WDFY4: variants seen among roughly 807,000 people sequenced by gnomAD.
WDFY4 encodes the protein WD repeat- and FYVE domain-containing protein 4.
Under a neutral mutation model 351.9 loss-of-function variants are expected in WDFY4, and 169 were observed. That is an observed-to-expected ratio of 0.48 (90% CI 0.42 to 0.55). WDFY4 has a LOEUF of 0.55. Ranked by LOEUF, WDFY4 falls within the 20% of genes least tolerant of loss-of-function variation. The probability of loss-of-function intolerance (pLI) is 0.00; values close to 1 mark genes in which losing one functional copy is unlikely to be tolerated. For missense variants in WDFY4, 3,803 were observed against 3,935.6 expected (o/e 0.97, Z 0.90); for synonymous variants, 1,622 against 1,574.6 (o/e 1.03, Z -0.71).
In WDFY4 at chr10:48,900,279, A is replaced by G. The variant is rs1285034039; in HGVS notation, c.7496A>G (p.Asn2499Ser). 1.3e-6 allele frequency: 2 copies of G among 1,551,634 alleles called. No homozygotes were observed. Among genetic ancestry groups the G allele is most frequent in the Middle Eastern group, 1.7e-4 (1 of 6,014 alleles). ...NGYSKFLVFY[N>S]NDRSKAFKSF... ...TATTCCAAGTTTCTTGTCTTCTACA[A>G]CAATGATCGGAGTAAGGCCTTTAAA... Residue 2499 changes from asparagine to serine, a missense_variant, in exon 46 of 62, where the codon AAC (asparagine) becomes AGC (serine). Transcript: ENST00000325239.
intron 40 of WDFY4, among the ~76,000 whole-genome samples, chr10:48,870,881 G>A (rs1448829889): frequency 6.6e-6 from 1 of 151,882 alleles, no homozygotes; most frequent in Non-Finnish European, 1.5e-5. Flanking sequence ...CTGTGATGAA[G>A]ACCCAGGGAG....
At chr10:48,718,917 A>C (rs540212791) in intron 2 of WDFY4, among the ~76,000 whole-genome samples, 1 of 152,360 alleles carries the variant, frequency 6.6e-6, no homozygotes, top group East Asian at 1.9e-4. Context: ...CTAAATAATA[A>C]GGGGAAAAGT....
chr10:48,894,845 A>G (rs550034599), intron 44 of WDFY4, among the ~76,000 whole-genome samples: 19 of 152,330 alleles, frequency 1.2e-4, no homozygotes, highest in African/African-American at 4.1e-4. Context: ...AAAGGTAGGA[A>G]GGAGAATTGT....
intron 44 of WDFY4, among the ~76,000 whole-genome samples, chr10:48,895,732 A>C (rs73294661): frequency 0.044 from 6,740 of 152,268 alleles, 500 homozygotes; most frequent in African/African-American, 0.16. Context: ...TATTTGGACA[A>C]ATTTATTATC....
chr10:48,977,359 A>C (rs1448730127), intron 59 of WDFY4, among the ~76,000 whole-genome samples: 1 of 151,894 alleles, frequency 6.6e-6, no homozygotes, highest in Non-Finnish European at 1.5e-5. Context: ...CCACCTACCC[A>C]TTTATCTCTC....
intron 44 of WDFY4, 52 bp from the exon 45 acceptor site, chr10:48,897,402 G>T: frequency 1.3e-6 from 2 of 1,535,372 alleles, no homozygotes; most frequent in Non-Finnish European, 1.8e-6. Flanking sequence ...GCCTGCACGT[G>T]TCCTCACTCT....
Position 48,736,002 on chromosome 10 carries a change from A to C in WDFY4, c.1810A>C (p.Ser604Arg). The change falls in exon 11 of 62, where the codon AGC becomes CGC. Residue 604 changes from serine (S) to arginine (R), a missense_variant. By Grantham distance (110) the Ser-to-Arg change is moderately radical. Around this residue, in one of 3 missense-constraint regions of WDFY4, gnomAD observed 261 missense variants for 330.2 expected, o/e 0.79. Coordinates refer to ENST00000325239, the MANE Select transcript of WDFY4 (RefSeq NM_001394531.1). ...AGCCATCAACGCCGAGGAGTACATG[A>C]GCATCATTGTGGGTGCTCTATGCTC... Reference protein sequence around the residue: ...LSAINAEEYMSIIVGALCSST... With the variant: ...LSAINAEEYMRIIVGALCSST... 1 of 1,551,900 alleles carries C rather than the reference A, an allele frequency of 6.4e-7. No individual in the cohort carries two copies. The highest frequency in any genetic ancestry group is 8.7e-7 in the Non-Finnish European group (1 of 1,147,060).
chr10:48,900,977 G>A (rs541209337), intron 46 of WDFY4, among the ~76,000 whole-genome samples: 1 of 152,220 alleles, frequency 6.6e-6, no homozygotes, highest in African/African-American at 2.4e-5. Context: ...GTGGTTATGT[G>A]CTGCTCCACA....
intron 47 of WDFY4, among the ~76,000 whole-genome samples, chr10:48,927,157 C>T (rs1169393157): frequency 4.6e-5 from 7 of 152,238 alleles, no homozygotes; most frequent in South Asian, 2.1e-4. Context: ...TCTAACCTCT[C>T]GTTAAGTACT....
intron 39 of WDFY4, among the ~76,000 whole-genome samples, chr10:48,849,417 C>T (rs561191372): frequency 1.3e-5 from 2 of 152,140 alleles, no homozygotes; most frequent in Admixed American, 1.3e-4. Context: ...TGTTAAGTAC[C>T]AGATGAAGTG....
At chr10:48,941,451 G>A (rs930511080) in intron 47 of WDFY4, among the ~76,000 whole-genome samples, 3 of 152,148 alleles carry the variant, frequency 2.0e-5, no homozygotes, top group East Asian at 1.9e-4. Context: ...ACAAGGGGTC[G>A]GGGCAGGGAT....
In WDFY4 at chr10:48,982,589, G is replaced by T; in HGVS notation, c.*14G>T. 1.3e-6 allele frequency: 2 copies of T among 1,548,720 alleles called. No individual in the cohort carries two copies. Among genetic ancestry groups the T allele is most frequent in the Non-Finnish European group, 1.7e-6 (2 of 1,145,060 alleles). On this transcript the variant is annotated 3_prime_UTR_variant, in exon 62 of 62. Coordinates refer to ENST00000325239, the MANE Select transcript of WDFY4 (RefSeq NM_001394531.1). Reference sequence around the variant, plus strand: ...GCAGATGGGTAGGAAGAGAGAGGCAGCAGAGGCTCTGGCACAACAGTGCCA... The same window carrying T: ...GCAGATGGGTAGGAAGAGAGAGGCATCAGAGGCTCTGGCACAACAGTGCCA...
chr10:48,854,670 G>A (rs953621182), intron 39 of WDFY4, among the ~76,000 whole-genome samples: 7 of 152,114 alleles, frequency 4.6e-5, no homozygotes, highest in Non-Finnish European at 1.0e-4. Context: ...GGATTTCTGC[G>A]CTTTCTGCTT....
Position 48,760,352 on chromosome 10 carries a change from A to T in WDFY4, c.2465A>T (p.Asp822Val). Residue 822 changes from aspartate (D) to valine (V), a missense_variant, in exon 13 of 62, where the codon GAT (aspartate) becomes GTT (valine). Asp to Val is a radical substitution (Grantham distance 152, BLOSUM62 -3). Around this residue, in one of 3 missense-constraint regions of WDFY4, gnomAD observed 3,054 missense variants for 3,148.6 expected, o/e 0.97. Coordinates refer to ENST00000325239, the MANE Select transcript of WDFY4 (RefSeq NM_001394531.1). ...KQWPDLEERM[D>V]EGDAAIMHPG... is the part of the protein sequence containing the mutation. ...GGCTCTCCCTCTCTCTGCAGGATGG[A>T]TGAGGGAGATGCTGCAATCATGCAT... 1 of 1,551,490 alleles carries T rather than the reference A, an allele frequency of 6.4e-7. No individual in the cohort carries two copies. Among genetic ancestry groups the T allele is most frequent in the Non-Finnish European group, 8.7e-7 (1 of 1,146,894 alleles).
rs59039598 is a variant in WDFY4 at position 48,800,670 on chromosome 10, GTTTCTTTCTTTCTTTCTTTC to G, written c.4411-2583_4411-2564del. 5.8e-4 allele frequency among the ~76,000 whole-genome samples: 67 copies of G among 115,296 alleles called. 1 individual carries two copies. The highest frequency in any genetic ancestry group is 1.6e-3 in the Admixed American group (17 of 10,584). 75.6% of individuals were successfully genotyped at this position (115,296 alleles called of 152,430 possible). ...GTGGGCTTCTAAGTCTTAGGTTTTG[GTTTCTTTCTTTCTTTCTTTC>G]TTTCTTTCTTTCTTTCTTTCTTTCT... On this transcript the variant is annotated intron_variant, in intron 24 of 61. Coordinates refer to ENST00000325239, the MANE Select transcript of WDFY4 (RefSeq NM_001394531.1).
At chr10:48,687,439 A>AT (rs1229748771) in intron 1 of WDFY4, among the ~76,000 whole-genome samples, 2 of 152,102 alleles carry the variant, frequency 1.3e-5, no homozygotes, top group Non-Finnish European at 2.9e-5. Context: ...TTGTAAAATT[A>AT]TTCTCATATT....
intron 47 of WDFY4, among the ~76,000 whole-genome samples, chr10:48,931,799 C>T (rs1431999244): frequency 6.6e-6 from 1 of 152,236 alleles, no homozygotes; most frequent in Non-Finnish European, 1.5e-5. Context: ...ATGACTGAAG[C>T]ACTAGACACT....
chr10:48,956,412 T>C (rs1841592267), intron 51 of WDFY4, among the ~76,000 whole-genome samples: 1 of 151,858 alleles, frequency 6.6e-6, no homozygotes, highest in Admixed American at 6.6e-5. Context: ...GGTCCCAGAG[T>C]CTCCTTCCTG....
intron 43 of WDFY4, among the ~76,000 whole-genome samples, chr10:48,881,800 C>T (rs2070259633): frequency 6.6e-6 from 1 of 152,186 alleles, no homozygotes; most frequent in African/African-American, 2.4e-5. Flanking sequence ...CAGGTCCACA[C>T]AGTCCCATGC....
Sources: allele counts gnomAD v4.1 joint callset (sites outside exome capture counted in the v4.1 genomes callset), GRCh38; gene constraint gnomAD v4.1.1; regional missense constraint gnomAD v4.1.1; transcripts MANE v1.5; gene names NCBI Gene and HGNC (gene_info 2026-07-23, HGNC 2026-07-21).